CASK: variants seen among roughly 807,000 people sequenced by gnomAD.
CASK encodes the protein calcium/calmodulin dependent serine protein kinase, also known as peripheral plasma membrane protein CASK.
A neutral mutation model predicts 82.9 loss-of-function variants in CASK; 4 were observed. The ratio of observed to expected loss-of-function variants is 0.05; its 90% CI spans 0.02 to 0.11. CASK has a LOEUF of 0.11. Ranked by LOEUF, CASK falls within the 10% of genes least tolerant of loss-of-function variation. The pLI is 1.00. For synonymous variants in CASK, 259 were observed against 253.5 expected (o/e 1.02, Z -0.20); for missense variants, 358 against 720.9 (o/e 0.50, Z 5.76).
At chrX:41,847,019 T>A (rs1191419612) in intron 2 of CASK, among the ~76,000 whole-genome samples, 1 of 111,830 alleles carries the variant, frequency 8.9e-6, no homozygotes, top group Non-Finnish European at 1.9e-5. Context: ...TATGTGATGA[T>A]TCAGTTCTCC....
chrX:41,907,233 A>G (rs1356710918), intron 1 of CASK, among the ~76,000 whole-genome samples: 1 of 112,371 alleles, frequency 8.9e-6, no homozygotes, highest in African/African-American at 3.2e-5. Context: ...TGGCAAAGTC[A>G]TATTTCCTGA....
chrX:41,736,196 A>G (rs2068493871), intron 5 of CASK, among the ~76,000 whole-genome samples: 1 of 110,841 alleles, frequency 9.0e-6, no homozygotes, highest in Admixed American at 9.6e-5. Flanking sequence ...CGGCTTCTGA[A>G]ATATAAAGAA....
chrX:41,540,105 C>T (rs973797871), intron 22 of CASK, among the ~76,000 whole-genome samples: 1 of 111,806 alleles, frequency 8.9e-6, no homozygotes, highest in African/African-American at 3.3e-5. Context: ...CAGTGACACA[C>T]ACTGACATGT....
intron 21 of CASK, 87 bp downstream of exon 21, chrX:41,553,632 C>T: frequency 2.9e-6 from 2 of 701,198 alleles, no homozygotes; most frequent in Non-Finnish European, 4.4e-6. Flanking sequence ...ACAGGTTTTA[C>T]ACTCTAAAAT....
At chrX:41,560,035 A>G (rs1254682361) in intron 17 of CASK, among the ~76,000 whole-genome samples, 188 bp from the exon 18 acceptor site, 2 of 112,066 alleles carry the variant, frequency 1.8e-5, no homozygotes, top group Non-Finnish European at 3.8e-5. Flanking sequence ...AGTTCCTGGG[A>G]AAAGCCCAGC....
At chrX:41,862,706 C>T (rs1289713903) in intron 1 of CASK, among the ~76,000 whole-genome samples, 1 of 110,435 alleles carries the variant, frequency 9.1e-6, no homozygotes, top group Non-Finnish European at 1.9e-5. Context: ...GGGAGCCACT[C>T]AGGAAGTTAT....
At chrX:41,853,968 T>G (rs763800131) in intron 1 of CASK, among the ~76,000 whole-genome samples, 2 of 111,662 alleles carry the variant, frequency 1.8e-5, no homozygotes, top group Non-Finnish European at 1.9e-5. Flanking sequence ...GAACAAACAC[T>G]TTACAAAGAG....
intron 3 of CASK, among the ~76,000 whole-genome samples, chrX:41,779,208 G>C (rs1231516471): frequency 3.6e-5 from 4 of 111,678 alleles, no homozygotes; most frequent in Non-Finnish European, 7.5e-5. Context: ...TGGGAGTCTG[G>C]AATTTGGTTA....
chrX:41,870,272 G>A (rs1355155654), intron 1 of CASK, among the ~76,000 whole-genome samples: 1 of 112,019 alleles, frequency 8.9e-6, no homozygotes, highest in Non-Finnish European at 1.9e-5. Flanking sequence ...CTCCAAAGAA[G>A]TGACAGTTTG....
intron 21 of CASK, among the ~76,000 whole-genome samples, chrX:41,544,736 A>C (rs558601568): frequency 5.6e-5 from 6 of 107,155 alleles, no homozygotes; most frequent in East Asian, 3.0e-4. Flanking sequence ...AACAAACAAA[A>C]AAAAATTAGC....
intron 8 of CASK, among the ~76,000 whole-genome samples, chrX:41,653,954 G>GT (rs2066899144): frequency 8.9e-6 from 1 of 111,953 alleles, no homozygotes; most frequent in Non-Finnish European, 1.9e-5. Flanking sequence ...AAAAGCCACT[G>GT]TAAGGTCTGT....
chrX:41,720,693 T>G (rs968898601), intron 5 of CASK, among the ~76,000 whole-genome samples: 1 of 111,214 alleles, frequency 9.0e-6, no homozygotes, highest in African/African-American at 3.3e-5. Flanking sequence ...AGCTGTCCTG[T>G]GTCCTCTGGG....
At chrX:41,544,045 C>T (rs1210173371) in intron 21 of CASK, among the ~76,000 whole-genome samples, 2 of 111,675 alleles carry the variant, frequency 1.8e-5, no homozygotes, top group Non-Finnish European at 3.8e-5. Context: ...GTCTTTTGAC[C>T]GTTCCTCTGT....
At chrX:41,678,499 T>G (rs1367861812) in intron 5 of CASK, among the ~76,000 whole-genome samples, 1 of 112,186 alleles carries the variant, frequency 8.9e-6, no homozygotes, top group Non-Finnish European at 1.9e-5. Flanking sequence ...TTTAGTTTTA[T>G]GCACTAATAC....
chrX:41,916,974 T>C (rs2072703787), intron 1 of CASK, among the ~76,000 whole-genome samples: 1 of 112,101 alleles, frequency 8.9e-6, no homozygotes, highest in South Asian at 3.7e-4. Context: ...ATGCTGATGT[T>C]TCATTAAAGA....
chrX:41,639,654 A>T (rs1433226035), intron 8 of CASK, among the ~76,000 whole-genome samples: 9 of 111,502 alleles, frequency 8.1e-5, no homozygotes, highest in Non-Finnish European at 1.7e-4. Context: ...ATAAGTTTTG[A>T]CATATATTTA....
chrX:41,739,333 A>G (rs767940726), intron 5 of CASK, 51 bp downstream of exon 5: 1 of 739,001 alleles, frequency 1.4e-6, no homozygotes, highest in South Asian at 2.2e-5. Flanking sequence ...TATCATTGTT[A>G]TATCAGTATT....
intron 15 of CASK, among the ~76,000 whole-genome samples, chrX:41,574,570 T>TA (rs2065460939): frequency 9.0e-6 from 1 of 111,340 alleles, no homozygotes; most frequent in African/African-American, 3.3e-5. Context: ...TATCCACTAT[T>TA]AAAAAAAACA....
rs1239763291 is a variant in CASK at position 41,519,907 on chromosome X, T to G, written c.*513A>C. The G allele has an allele frequency of 3.7e-5, 4 of 108,038 alleles. No individual in the cohort carries two copies. Among genetic ancestry groups the G allele is most frequent in the African/African-American group, 1.3e-4 (4 of 29,806 alleles). The allele number at this position is 108,038 out of a possible 1,213,427, so 8.9% of individuals were successfully genotyped here. ...AAAAAAAAAAGAGAGAAAAAAGGCC[T>G]TTAAAAATTTATGACTGTTTTGTAA... On this transcript the variant is annotated 3_prime_UTR_variant, in exon 27 of 27. Transcript: ENST00000378163.
Sources: gnomAD v4.1 joint callset for allele counts (sites outside exome capture counted in the v4.1 genomes callset) on GRCh38, gnomAD v4.1.1 for gene constraint, MANE v1.5 for transcripts, NCBI Gene and HGNC (gene_info 2026-07-23, HGNC 2026-07-21) for gene names.